The following SLC35F3 variants were observed in gnomAD, a reference collection of about 807,000 sequenced individuals.
SLC35F3 encodes solute carrier family 35 member F3.
In SLC35F3, 25 loss-of-function variants were observed where a neutral mutation model predicts 49.9. The ratio of observed to expected loss-of-function variants is 0.50; its 90% CI spans 0.37 to 0.70. SLC35F3 has a LOEUF of 0.70. Ranked by LOEUF, SLC35F3 falls within the 30% of genes least tolerant of loss-of-function variation. SLC35F3 has a pLI of 0.00. For synonymous variants in SLC35F3, 275 were observed against 265.4 expected, an observed-to-expected ratio of 1.04 and a Z score of -0.35; for missense variants, 525 against 639.8, an observed-to-expected ratio of 0.82 and a Z score of 1.94.
At chr1:233,961,726 G>C (rs12039618) in intron 2 of SLC35F3, among the ~76,000 whole-genome samples, 3 of 152,102 alleles carry the variant, frequency 2.0e-5, no homozygotes, top group African/African-American at 7.2e-5. Flanking sequence ...AAAGTGCTAG[G>C]ATTATAGGCG....
At chr1:234,003,493 C>A (rs1295779239) in intron 2 of SLC35F3, among the ~76,000 whole-genome samples, 1 of 152,100 alleles carries the variant, frequency 6.6e-6, no homozygotes, top group African/African-American at 2.4e-5. Context: ...CTTCTACAAC[C>A]AGCCAATTTA....
intron 3 of SLC35F3, among the ~76,000 whole-genome samples, chr1:234,270,876 A>G (rs751018043): frequency 6.6e-6 from 1 of 152,240 alleles, no homozygotes; most frequent in Non-Finnish European, 1.5e-5. Context: ...AAGCTTGATG[A>G]TGCTGCTCAG....
At chr1:234,176,015 A>G (rs1666471467) in intron 2 of SLC35F3, among the ~76,000 whole-genome samples, 1 of 152,192 alleles carries the variant, frequency 6.6e-6, no homozygotes, top group Non-Finnish European at 1.5e-5. Context: ...ACCTGCCTCA[A>G]AAGTGCTTGC....
At chr1:234,065,232 G>A (rs558325556) in intron 2 of SLC35F3, among the ~76,000 whole-genome samples, 14 of 151,828 alleles carry the variant, frequency 9.2e-5, no homozygotes, top group South Asian at 4.2e-4. Context: ...CTGCAACTTC[G>A]GCCTCCTGGG....
At chr1:233,946,409 T>C (rs1212678873) in intron 2 of SLC35F3, among the ~76,000 whole-genome samples, 3 of 152,210 alleles carry the variant, frequency 2.0e-5, no homozygotes, top group Admixed American at 2.0e-4. Context: ...AGAATACAAA[T>C]AAAAATTAAG....
At chr1:234,178,207 T>C (rs1380155355) in intron 2 of SLC35F3, among the ~76,000 whole-genome samples, 1 of 152,150 alleles carries the variant, frequency 6.6e-6, no homozygotes, top group Non-Finnish European at 1.5e-5. Flanking sequence ...ATCACCCCAC[T>C]ACATACTTGG....
At chr1:234,305,865 T>C (rs986234922) in intron 3 of SLC35F3, among the ~76,000 whole-genome samples, 2 of 152,200 alleles carry the variant, frequency 1.3e-5, no homozygotes, top group African/African-American at 4.8e-5. Flanking sequence ...ATCTAATCTT[T>C]GTATGTGACT....
intron 2 of SLC35F3, among the ~76,000 whole-genome samples, chr1:234,020,360 A>T (rs187218128): frequency 3.3e-4 from 50 of 152,296 alleles, no homozygotes; most frequent in African/African-American, 1.1e-3. Context: ...CAAAATTATT[A>T]TCTTTGTACT....
In SLC35F3 at chr1:234,259,108, A is replaced by C. The variant is rs112797299; in HGVS notation, c.608+27367A>C. On this transcript the variant is annotated intron_variant, in intron 3 of 7. Coordinates refer to ENST00000366618, the MANE Select transcript of SLC35F3 (RefSeq NM_173508.4). ...ATGAAGTAAGACTTTGGGAGAGCCTAATAGCTGTCTTCAGACCTTCAAACC... is the reference window on the plus strand; with the variant it reads ...ATGAAGTAAGACTTTGGGAGAGCCTCATAGCTGTCTTCAGACCTTCAAACC... 2.6e-3 allele frequency among the ~76,000 whole-genome samples: 394 copies of C among 152,358 alleles called. 3 individuals are homozygous for C. Among genetic ancestry groups the C allele is most frequent in the Non-Finnish European group, 4.6e-3 (316 of 68,036 alleles).
chr1:233,906,297 CT>C (rs1661775197), intron 2 of SLC35F3, among the ~76,000 whole-genome samples: 1 of 152,126 alleles, frequency 6.6e-6, no homozygotes, highest in Admixed American at 6.5e-5. Context: ...TAAGGAGGTT[CT>C]ATAGGGATCA....
At chr1:234,297,013 C>T (rs1438499095) in intron 3 of SLC35F3, among the ~76,000 whole-genome samples, 3 of 152,090 alleles carry the variant, frequency 2.0e-5, no homozygotes, top group Non-Finnish European at 4.4e-5. Context: ...GACATTTCTC[C>T]AAAGAAGACA....
At chr1:233,968,123 T>G (rs560764697) in intron 2 of SLC35F3, among the ~76,000 whole-genome samples, 5 of 152,290 alleles carry the variant, frequency 3.3e-5, no homozygotes, top group African/African-American at 7.2e-5. Context: ...TCTCCCTCTC[T>G]CCTAGTTTCT....
intron 2 of SLC35F3, among the ~76,000 whole-genome samples, chr1:233,935,320 T>C (rs569251746): frequency 8.0e-4 from 120 of 150,702 alleles, no homozygotes; most frequent in African/African-American, 2.7e-3. Flanking sequence ...ACACATCTTT[T>C]TGTGTCAGGC....
At chr1:233,963,646 G>A (rs9435588) in intron 2 of SLC35F3, among the ~76,000 whole-genome samples, 63,469 of 152,102 alleles carry the variant, frequency 0.42, 13,929 homozygotes, top group East Asian at 0.67. Flanking sequence ...GGTCAGTTCC[G>A]TAAGAGGCAG....
intron 2 of SLC35F3, among the ~76,000 whole-genome samples, chr1:234,015,549 A>G (rs1166674028): frequency 6.6e-6 from 1 of 152,174 alleles, no homozygotes; most frequent in Non-Finnish European, 1.5e-5. Context: ...CCAAGAACAC[A>G]CTATGGGGGA....
At chr1:234,114,259 G>A (rs1221311202) in intron 2 of SLC35F3, among the ~76,000 whole-genome samples, 2 of 152,226 alleles carry the variant, frequency 1.3e-5, no homozygotes, top group Non-Finnish European at 2.9e-5. Flanking sequence ...TTTTGCTTAA[G>A]TTTGGGAAAG....
chr1:234,247,875 G>GTCAGTTGGCTGGTGCATTGTTTGATGGA (rs1163369929), intron 3 of SLC35F3, among the ~76,000 whole-genome samples: 3 of 151,990 alleles, frequency 2.0e-5, no homozygotes, highest in African/African-American at 7.2e-5. Flanking sequence ...TGTTTGATGG[G>GTCAGTTGGCTGGTGCATTGTTTGATGGA]TCAGTTGGCT....
chr1:234,029,197 A>G (rs1664021859), intron 2 of SLC35F3, among the ~76,000 whole-genome samples: 1 of 152,194 alleles, frequency 6.6e-6, no homozygotes, highest in South Asian at 2.1e-4. Flanking sequence ...CAGATAGGCA[A>G]TAGACCCATG....
chr1:234,028,796 C>T (rs925974433), intron 2 of SLC35F3, among the ~76,000 whole-genome samples: 8 of 152,108 alleles, frequency 5.3e-5, no homozygotes, highest in Non-Finnish European at 1.2e-4. Flanking sequence ...ACCAGGTCAC[C>T]TCAATTTCCT....
Sources: gnomAD v4.1 joint callset for allele counts (sites outside exome capture counted in the v4.1 genomes callset) on GRCh38, gnomAD v4.1.1 for gene constraint, MANE v1.5 for transcripts, NCBI Gene and HGNC (gene_info 2026-07-23, HGNC 2026-07-21) for gene names.